The following ABCC4 variants were observed in gnomAD, a reference collection of about 807,000 sequenced individuals.
The protein encoded by ABCC4 is ATP-binding cassette sub-family C member 4.
ABCC4 carries 102 observed loss-of-function variants against 168.5 expected under a neutral mutation model. The ratio of observed to expected loss-of-function variants is 0.61; its 90% CI spans 0.52 to 0.71. The LOEUF (loss-of-function observed/expected upper bound fraction) is 0.71. Ranked by LOEUF, ABCC4 falls within the 30% of genes least tolerant of loss-of-function variation. The pLI is 0.00. For synonymous variants in ABCC4, 617 were observed against 590.7 expected, an observed-to-expected ratio of 1.04 and a Z score of -0.65; for missense variants, 1,402 against 1,605.8, an observed-to-expected ratio of 0.87 and a Z score of 2.17.
chr13:95,208,066 TA>T, intron 6 of ABCC4, 141 bp from the exon 7 acceptor site: 3 of 855,132 alleles, frequency 3.5e-6, no homozygotes, highest in Non-Finnish European at 5.4e-6. Context: ...CTACTCAAAA[TA>T]CAAATAGAAA....
In ABCC4 at chr13:95,053,271, C is replaced by T. The variant is rs2032916396; in HGVS notation, c.3367-87G>A. 7.9e-6 allele frequency: 8 copies of T among 1,014,120 alleles called. No homozygotes were observed. The South Asian group carries it at 8.2e-5, about 10-fold the overall frequency. 62.8% of individuals were successfully genotyped at this position (1,014,120 alleles called of 1,614,324 possible). A position where few individuals can be genotyped will look rare whatever the true frequency, so the allele number is the denominator to read the frequency against. On this transcript the variant is annotated intron_variant, in intron 26 of 30. Coordinates refer to ENST00000645237, the MANE Select transcript of ABCC4 (RefSeq NM_005845.5). The stretch of plus-strand genomic sequence containing the variant: ...TAACATCAACAATAGAATTAAGATA[C>T]CAAAAAATAAAATTCATGATAATAA...
intron 11 of ABCC4, 66 bp downstream of exon 11, chr13:95,186,632 CTTG>C (rs1350815177): frequency 7.0e-7 from 1 of 1,428,310 alleles, no homozygotes; most frequent in Admixed American, 2.3e-5. Flanking sequence ...GTTAATAAAC[CTTG>C]TTGTTCAAGT....
intron 13 of ABCC4, among the ~76,000 whole-genome samples, chr13:95,174,939 G>C (rs1194408870): frequency 6.6e-6 from 1 of 152,186 alleles, no homozygotes; most frequent in Non-Finnish European, 1.5e-5. Context: ...AAATAGACAA[G>C]ACATAACATT....
At chr13:95,217,022 T>A (rs2039133034) in intron 4 of ABCC4, among the ~76,000 whole-genome samples, 1 of 152,204 alleles carries the variant, frequency 6.6e-6, no homozygotes, top group Admixed American at 6.5e-5. Context: ...TATTGGTTAC[T>A]CTAGAATCCG....
chr13:95,262,680 T>C (rs1208255449), intron 1 of ABCC4, among the ~76,000 whole-genome samples: 2 of 151,682 alleles, frequency 1.3e-5, no homozygotes, highest in Non-Finnish European at 2.9e-5. Flanking sequence ...TTGCCCAGGC[T>C]GGAGTGCTGT....
chr13:95,132,506 C>T (rs746652499), intron 19 of ABCC4, among the ~76,000 whole-genome samples: 5 of 152,050 alleles, frequency 3.3e-5, no homozygotes, highest in East Asian at 1.9e-4. Context: ...TGTAAGCCAC[C>T]GCGCCTGGCC....
chr13:95,024,250 T>C (rs1394901170), intron 30 of ABCC4, among the ~76,000 whole-genome samples: 2 of 151,172 alleles, frequency 1.3e-5, no homozygotes, highest in Non-Finnish European at 2.9e-5. Context: ...TCTTGTACTT[T>C]AGCATTTTCA....
At chr13:95,084,852 G>A (rs1014110410) in intron 20 of ABCC4, among the ~76,000 whole-genome samples, 2 of 152,158 alleles carry the variant, frequency 1.3e-5, no homozygotes, top group African/African-American at 4.8e-5. Context: ...TGGTCTAAAA[G>A]GTGAAATATA....
At chr13:95,096,216 G>A in intron 20 of ABCC4, 5 of 624,066 alleles carry the variant, frequency 8.0e-6, no homozygotes, top group South Asian at 3.8e-5. Flanking sequence ...CAATGGGCTG[G>A]CAGCAGATTG....
At chr13:95,240,090 C>T (rs1026502063) in intron 3 of ABCC4, among the ~76,000 whole-genome samples, 5 of 152,116 alleles carry the variant, frequency 3.3e-5, no homozygotes, top group African/African-American at 7.2e-5. Context: ...CATCAAGCTT[C>T]TAGATCTAAC....
chr13:95,041,926 A>G (rs1187738943), intron 29 of ABCC4, among the ~76,000 whole-genome samples: 1 of 152,216 alleles, frequency 6.6e-6, no homozygotes. Context: ...ATTGGAAAAT[A>G]GTTCTCACAA....
intron 10 of ABCC4, among the ~76,000 whole-genome samples, chr13:95,187,953 A>G (rs1033302649): frequency 1.3e-5 from 2 of 152,194 alleles, no homozygotes. Context: ...TCTGGAGGGC[A>G]GTGGCGTCTG....
chr13:95,025,346 A>C (rs1246565156), intron 30 of ABCC4, among the ~76,000 whole-genome samples: 4 of 10,838 alleles, frequency 3.7e-4, no homozygotes, highest in Admixed American at 1.5e-3. Context: ...CCATACACAC[A>C]CCCACACCCC....
chr13:95,179,991 T>C lies in ABCC4; in HGVS notation c.1546-1900A>G, dbSNP rs566098491. ...TCATTTGCTATTGATGACTATGACA[T>C]ATTTTCTGATCAAACCAACAGCAGG... On this transcript the variant is annotated intron_variant, in intron 11 of 30. Transcript: ENST00000645237. Among the ~76,000 whole-genome samples, 118 of 152,306 alleles carry C rather than the reference T, an allele frequency of 7.7e-4. 1 individual carries two copies. Among genetic ancestry groups the C allele is most frequent in the African/African-American group, 2.1e-3 (87 of 41,570 alleles).
intron 11 of ABCC4, among the ~76,000 whole-genome samples, chr13:95,179,986 T>C (rs1282836496): frequency 6.6e-6 from 1 of 152,182 alleles, no homozygotes; most frequent in South Asian, 2.1e-4. Context: ...TTGATGACTA[T>C]GACATATTTT....
intron 26 of ABCC4, chr13:95,055,747 G>A (rs2033027745): frequency 1.3e-5 from 2 of 152,150 alleles, no homozygotes; most frequent in African/African-American, 4.8e-5. Flanking sequence ...GCCAGGCAGG[G>A]TGGGGTGCGC....
At chr13:95,213,514 G>C (rs1224270829) in intron 4 of ABCC4, among the ~76,000 whole-genome samples, 2 of 152,120 alleles carry the variant, frequency 1.3e-5, no homozygotes, top group Non-Finnish European at 2.9e-5. Flanking sequence ...TCATAAGCAG[G>C]GCCAGACTCC....
chr13:95,173,939 G>A (rs1192314623), intron 13 of ABCC4, among the ~76,000 whole-genome samples: 1 of 152,208 alleles, frequency 6.6e-6, no homozygotes, highest in Non-Finnish European at 1.5e-5. Flanking sequence ...CAAAACTGCT[G>A]GCGCCTTGAT....
At chr13:95,138,118 C>T (rs2036198406) in intron 19 of ABCC4, among the ~76,000 whole-genome samples, 1 of 152,152 alleles carries the variant, frequency 6.6e-6, no homozygotes, top group South Asian at 2.1e-4. Context: ...AAGTCTGTTG[C>T]TGCCTTTCCA....
Sources: allele counts gnomAD v4.1 joint callset (sites outside exome capture counted in the v4.1 genomes callset), GRCh38; gene constraint gnomAD v4.1.1; transcripts MANE v1.5; gene names NCBI Gene and HGNC (gene_info 2026-07-23, HGNC 2026-07-21).